Variants in SYT16 observed in about 807,000 individuals in gnomAD.
SYT16 encodes synaptotagmin 16, also known as synaptotagmin-16.
SYT16 carries 42 observed loss-of-function variants against 61.4 expected under a neutral mutation model. The ratio of observed to expected loss-of-function variants is 0.68; its 90% CI spans 0.53 to 0.89. The LOEUF is 0.89. Among genes scored for constraint, SYT16 ranks in the 40% least tolerant of loss-of-function variants. SYT16 has a pLI of 0.00. For missense variants in SYT16, 804 were observed against 807.3 expected, an observed-to-expected ratio of 1.00 and a Z score of 0.05; for synonymous variants, 314 against 302.3, an observed-to-expected ratio of 1.04 and a Z score of -0.40.
intron 4 of SYT16, among the ~76,000 whole-genome samples, chr14:62,074,353 G>A (rs2056406296): frequency 1.3e-5 from 2 of 152,148 alleles, no homozygotes; most frequent in African/African-American, 4.8e-5. Flanking sequence ...GGCACTGTGA[G>A]CAGAAATACA....
intron 3 of SYT16, among the ~76,000 whole-genome samples, chr14:62,058,865 A>G (rs993021779): frequency 1.4e-4 from 22 of 152,296 alleles, no homozygotes; most frequent in African/African-American, 5.1e-4. Flanking sequence ...TGTGGCATAT[A>G]TGCACCGTGG....
chr14:61,834,920 C>T (rs1215098281), intron 1 of SYT16, among the ~76,000 whole-genome samples: 5 of 152,188 alleles, frequency 3.3e-5, no homozygotes. Flanking sequence ...GCATAGCATT[C>T]CCATAAAACC....
At chr14:61,819,142 T>C (rs1449941875) in intron 1 of SYT16, among the ~76,000 whole-genome samples, 1 of 152,226 alleles carries the variant, frequency 6.6e-6, no homozygotes, top group Non-Finnish European at 1.5e-5. Flanking sequence ...ATATGTTTTA[T>C]AAAAGAAATG....
At chr14:61,929,762 G>A (rs2049689031) in intron 1 of SYT16, among the ~76,000 whole-genome samples, 1 of 152,134 alleles carries the variant, frequency 6.6e-6, no homozygotes, top group Non-Finnish European at 1.5e-5. Context: ...TAGCAAAGGA[G>A]TTTCAAAATT....
chr14:62,055,220 G>A (rs566707745), intron 3 of SYT16, among the ~76,000 whole-genome samples: 2 of 152,284 alleles, frequency 1.3e-5, no homozygotes, highest in South Asian at 4.1e-4. Flanking sequence ...GTATGCAAAT[G>A]CCACCATAGT....
At chr14:61,939,435 A>C (rs2050121661) in intron 1 of SYT16, among the ~76,000 whole-genome samples, 1 of 152,202 alleles carries the variant, frequency 6.6e-6, no homozygotes, top group Non-Finnish European at 1.5e-5. Context: ...TCAACAGCAG[A>C]GATCTATTTT....
At chr14:61,998,733 C>T (rs181562407) in intron 3 of SYT16, among the ~76,000 whole-genome samples, 3 of 152,002 alleles carry the variant, frequency 2.0e-5, no homozygotes, top group South Asian at 2.1e-4. Flanking sequence ...ATATCCTTGC[C>T]TCAATCTTAA....
At chr14:61,962,209 C>A (rs1254659524) in intron 1 of SYT16, among the ~76,000 whole-genome samples, 2 of 151,996 alleles carry the variant, frequency 1.3e-5, no homozygotes, top group East Asian at 3.9e-4. Flanking sequence ...ATACACCAAC[C>A]CCTGTGACAT....
In SYT16 at chr14:61,996,212, A is replaced by G. The variant is rs1430966277; in HGVS notation, c.193A>G (p.Thr65Ala). 7 of 1,613,594 alleles carry G rather than the reference A, an allele frequency of 4.3e-6. No individual in the cohort carries two copies. Among genetic ancestry groups the G allele is most frequent in the Non-Finnish European group, 4.2e-6 (5 of 1,179,628 alleles). The change falls in exon 3 of 8, where the codon ACG (threonine) becomes GCG (alanine). Residue 65 changes from threonine (T) to alanine (A), a missense_variant. Thr to Ala is a moderately conservative substitution (Grantham distance 58, BLOSUM62 0). Coordinates refer to ENST00000683842, the MANE Select transcript of SYT16 (RefSeq NM_001367656.1). ...CTTAGATAATATTCAGATTCAGGAA[A>G]CGTACTTTGAAGATGAAGAACAAGA... ...QDLDNIQIQE[T>A]YFEDEEQDND...
intron 3 of SYT16, among the ~76,000 whole-genome samples, chr14:62,063,419 C>T (rs963949735): frequency 2.0e-5 from 3 of 152,150 alleles, no homozygotes; most frequent in African/African-American, 4.8e-5. Context: ...AAGGCCTTTA[C>T]GTGGCTTATC....
At chr14:61,874,604 T>C (rs1179648855) in intron 1 of SYT16, among the ~76,000 whole-genome samples, 4 of 152,192 alleles carry the variant, frequency 2.6e-5, no homozygotes, top group African/African-American at 9.7e-5. Context: ...CTTCATACCT[T>C]TAATTTATAT....
At chr14:62,093,676 T>A (rs745796655) in intron 7 of SYT16, among the ~76,000 whole-genome samples, 12 of 152,136 alleles carry the variant, frequency 7.9e-5, no homozygotes, top group Non-Finnish European at 1.8e-4. Flanking sequence ...CTTATGATAA[T>A]CTCAGTAGAT....
intron 3 of SYT16, among the ~76,000 whole-genome samples, chr14:62,010,477 G>T (rs2140699791): frequency 6.6e-6 from 1 of 152,232 alleles, no homozygotes; most frequent in South Asian, 2.1e-4. Flanking sequence ...AAAAATAACT[G>T]GTCATGCCCT....
At chr14:61,859,367 AG>A (rs2046894620) in intron 1 of SYT16, among the ~76,000 whole-genome samples, 2 of 152,080 alleles carry the variant, frequency 1.3e-5, no homozygotes, top group Admixed American at 1.3e-4. Context: ...TAATAAGATT[AG>A]GGTGGGGTGA....
chr14:62,049,010 A>G (rs770198806), intron 3 of SYT16, among the ~76,000 whole-genome samples: 6 of 152,146 alleles, frequency 3.9e-5, no homozygotes, highest in Non-Finnish European at 8.8e-5. Flanking sequence ...TGCAGAGCTG[A>G]GTTCAATTCC....
chr14:62,080,718 A>G (rs117805749), intron 5 of SYT16, 116 bp from the exon 6 acceptor site: 17,571 of 1,014,326 alleles, frequency 0.017, 202 homozygotes, highest in Non-Finnish European at 0.019. Flanking sequence ...TATAGAGGGA[A>G]TACACTGGCA....
In SYT16 at chr14:62,106,387, G is replaced by A. The variant is rs2057513757; in HGVS notation, c.*5680G>A. The A allele has an allele frequency of 6.6e-6, 1 of 152,178 alleles. No homozygotes were observed. The highest frequency in any genetic ancestry group is 2.4e-5 in the African/African-American group (1 of 41,428). The allele number at this position is 152,178 out of a possible 1,614,324, so 9.4% of individuals were successfully genotyped here. A position where few individuals can be genotyped will look rare whatever the true frequency, so the allele number is the denominator to read the frequency against. On this transcript the variant is annotated 3_prime_UTR_variant, in exon 8 of 8. Coordinates refer to ENST00000683842, the MANE Select transcript of SYT16 (RefSeq NM_001367656.1). ...CTAGGAAGCCTTGGACTGGCAGTGA[G>A]TCTTGGTTGCATTATATGGGAAATT...
At chr14:62,045,760 T>C (rs12434553) in intron 3 of SYT16, among the ~76,000 whole-genome samples, 10,202 of 151,434 alleles carry the variant, frequency 0.067, 423 homozygotes, top group East Asian at 0.11. Flanking sequence ...GCTTCATCCA[T>C]GTCCCTACAA....
chr14:61,906,115 C>A (rs2048701044), intron 1 of SYT16, among the ~76,000 whole-genome samples: 1 of 152,110 alleles, frequency 6.6e-6, no homozygotes. Flanking sequence ...CTAGTGCTTC[C>A]CTAACTAACA....
Sources: allele counts gnomAD v4.1 joint callset (sites outside exome capture counted in the v4.1 genomes callset), GRCh38; gene constraint gnomAD v4.1.1; transcripts MANE v1.5; gene names NCBI Gene and HGNC (gene_info 2026-07-23, HGNC 2026-07-21).